The following ANXA7 variants were observed in gnomAD, a reference collection of about 807,000 sequenced individuals.
ANXA7 encodes the protein annexin A7.
A neutral mutation model predicts 64.9 loss-of-function variants in ANXA7; 55 were observed. That is an observed-to-expected ratio of 0.85 (90% confidence interval 0.68 to 1.06). ANXA7 has a LOEUF of 1.06. ANXA7 is among the 50% of genes least tolerant of loss of function. The pLI, the probability that ANXA7 is intolerant of heterozygous loss-of-function variation, is 0.00. For synonymous variants in ANXA7, 200 were observed against 192.4 expected (o/e 1.04, Z -0.33); for missense variants, 548 against 582.1 (o/e 0.94, Z 0.60).
rs375620218 is a variant in ANXA7, at chr10:73,397,290, T to C, written c.260-16A>G. ...CCTGGAGGAACTAGAGAAAAGAACA[T>C]GTCAATAAACTATAGTACAGTTCTC... is the stretch of plus-strand genomic sequence containing the variant. On this transcript the variant is annotated splice_polypyrimidine_tract_variant and intron_variant, in intron 3 of 12. Transcript: ENST00000372921. 3.1e-4 allele frequency: 485 copies of C among 1,540,902 alleles called. 10 individuals carry two copies. In the South Asian group the frequency reaches 5.3e-3, roughly 17 times the overall value.
At chr10:73,408,119 G>T (rs1427600802) in intron 1 of ANXA7, 2 of 152,716 alleles carry the variant, frequency 1.3e-5, no homozygotes, top group South Asian at 1.9e-4. Context: ...AGGAGTTAAA[G>T]ACCATGCTGG....
chr10:73,385,918 T>C (rs2055362254), intron 7 of ANXA7, among the ~76,000 whole-genome samples: 1 of 152,052 alleles, frequency 6.6e-6, no homozygotes, highest in Non-Finnish European at 1.5e-5. Flanking sequence ...GATTCCTATC[T>C]AAATGGCAAA....
chr10:73,399,770 C>T (rs1247971552), intron 2 of ANXA7, among the ~76,000 whole-genome samples: 5 of 151,362 alleles, frequency 3.3e-5, no homozygotes, highest in East Asian at 1.9e-4. Flanking sequence ...TGCAGTGAGT[C>T]GAGATCACAC....
chr10:73,375,454 T>C lies in ANXA7; in HGVS notation c.*641A>G, dbSNP rs1433063343. The C allele has an allele frequency of 6.6e-6, 1 of 152,168 alleles. No homozygotes were observed. Among genetic ancestry groups the C allele is most frequent in the Non-Finnish European group, 1.5e-5 (1 of 68,038 alleles). 9.4% of individuals were successfully genotyped at this position (152,168 alleles called of 1,614,324 possible). On this transcript the variant is annotated 3_prime_UTR_variant, in exon 13 of 13. Coordinates refer to ENST00000372921, the MANE Select transcript of ANXA7 (RefSeq NM_001156.5). The stretch of plus-strand genomic sequence containing the variant: ...TATTGTACACCTTAAATATATGCAA[T>C]TTTTTATTTGTCATAACTCAATTTA...
chr10:73,396,598 A>G lies in ANXA7; in HGVS notation c.371-15T>C, dbSNP rs1459348090. ...AGGAAAGCCACCTATAATGTTAAAA[A>G]AAATAATAATAATACGGCAACAGGT... is the stretch of plus-strand genomic sequence containing the variant. On this transcript the variant is annotated splice_polypyrimidine_tract_variant and intron_variant, in intron 4 of 12. Transcript: ENST00000372921. 2 of 1,557,590 alleles carry G rather than the reference A, an allele frequency of 1.3e-6. No individual in the cohort carries two copies. The highest frequency in any genetic ancestry group is 1.8e-6 in the Non-Finnish European group (2 of 1,135,896).
At chr10:73,413,361 G>A (rs147663589) in intron 1 of ANXA7, among the ~76,000 whole-genome samples, 1 of 152,144 alleles carries the variant, frequency 6.6e-6, no homozygotes, top group African/African-American at 2.4e-5. Context: ...AGACAACAGC[G>A]TCATGTCTGT....
chr10:73,394,361 G>A (rs113476465), intron 5 of ANXA7, among the ~76,000 whole-genome samples: 1 of 152,124 alleles, frequency 6.6e-6, no homozygotes, highest in African/African-American at 2.4e-5. Context: ...CCATTACTAG[G>A]TATATACCCA....
chr10:73,380,205 CAA>C lies in ANXA7; in HGVS notation c.919-6_919-5del, dbSNP rs751746299. 1.9e-6 allele frequency: 3 copies of C among 1,596,972 alleles called. 1 individual carries two copies. The South Asian group carries it at 3.5e-5, about 18-fold the overall frequency. On this transcript the variant is annotated splice_polypyrimidine_tract_variant and splice_region_variant and intron_variant, in intron 9 of 12. Transcript: ENST00000372921. ...TCTGGTTCTCATCACGATTTCCCTG[CAA>C]AAGAGAAAGGCAGGAATTGGAAGAA...
At chr10:73,383,435 A>G (rs2055308153) in intron 8 of ANXA7, 90 bp from the exon 9 acceptor site, 5 of 1,353,890 alleles carry the variant, frequency 3.7e-6, no homozygotes, top group Non-Finnish European at 5.1e-6. Flanking sequence ...GTTCTGTAGA[A>G]CTAAAAACTA....
chr10:73,412,469 C>T (rs2055859398), intron 1 of ANXA7, among the ~76,000 whole-genome samples: 1 of 151,244 alleles, frequency 6.6e-6, no homozygotes, highest in Admixed American at 6.6e-5. Flanking sequence ...CAACTTTGCC[C>T]AAGTGAATAG....
intron 1 of ANXA7, among the ~76,000 whole-genome samples, chr10:73,406,326 T>C (rs1394143370): frequency 6.6e-6 from 1 of 152,208 alleles, no homozygotes; most frequent in Non-Finnish European, 1.5e-5. Context: ...GTCATATACT[T>C]AGACCAAGTT....
At chr10:73,409,495 C>G (rs2132704792) in intron 1 of ANXA7, among the ~76,000 whole-genome samples, 1 of 152,208 alleles carries the variant, frequency 6.6e-6, no homozygotes, top group South Asian at 2.1e-4. Flanking sequence ...AGGAGAACTA[C>G]AAAATACTGC....
intron 12 of ANXA7, among the ~76,000 whole-genome samples, chr10:73,378,370 C>A (rs1216404274): frequency 2.6e-5 from 3 of 114,160 alleles, no homozygotes; most frequent in East Asian, 2.8e-4. Flanking sequence ...AGAGTGAGAC[C>A]ATGTCTCAAA....
At chr10:73,390,483 C>T (rs1258364042) in intron 5 of ANXA7, among the ~76,000 whole-genome samples, 1 of 151,904 alleles carries the variant, frequency 6.6e-6, no homozygotes, top group Non-Finnish European at 1.5e-5. Flanking sequence ...AATAGAAAGC[C>T]AAAATTATTC....
At chr10:73,379,819 A>G (rs752822695) in intron 11 of ANXA7, 60 bp downstream of exon 11, 4 of 1,453,210 alleles carry the variant, frequency 2.8e-6, no homozygotes, top group Admixed American at 3.4e-5. Context: ...AATGGGAACA[A>G]CTATTCAAAG....
intron 12 of ANXA7, among the ~76,000 whole-genome samples, chr10:73,377,930 T>TGTGTGTGTGTGTGTGTGTGTGTGTGTGC (rs542289005): frequency 7.0e-6 from 1 of 142,498 alleles, no homozygotes; most frequent in African/African-American, 2.8e-5. Flanking sequence ...TGTGTGTGTG[T>TGTGTGTGTGTGTGTGTGTGTGTGTGTGC]GCGCGCGCGT....
chr10:73,388,839 C>A (rs1379950762), intron 5 of ANXA7, among the ~76,000 whole-genome samples: 1 of 152,114 alleles, frequency 6.6e-6, no homozygotes, highest in Non-Finnish European at 1.5e-5. Context: ...GATTTCAAAC[C>A]AGCAATATAA....
At chr10:73,405,378 C>T (rs2055739895) in intron 1 of ANXA7, among the ~76,000 whole-genome samples, 1 of 147,646 alleles carries the variant, frequency 6.8e-6, no homozygotes. Flanking sequence ...CCTGTCTCTA[C>T]TAAAAATACA....
chr10:73,386,273 G>T (rs2055368358), intron 7 of ANXA7, among the ~76,000 whole-genome samples: 1 of 151,184 alleles, frequency 6.6e-6, no homozygotes, highest in Non-Finnish European at 1.5e-5. Context: ...TACATCTGAG[G>T]AACAATGGCA....
Sources: allele counts gnomAD v4.1 joint callset (sites outside exome capture counted in the v4.1 genomes callset), GRCh38; gene constraint gnomAD v4.1.1; transcripts MANE v1.5; gene names NCBI Gene and HGNC (gene_info 2026-07-23, HGNC 2026-07-21).